The following CADM2 variants were observed in gnomAD, a reference collection of about 807,000 sequenced individuals.
The protein encoded by CADM2 is cell adhesion molecule 2, also known as immunoglobulin superfamily member 4D.
In CADM2, 12 loss-of-function variants were observed where a neutral mutation model predicts 49.8. The observed-to-expected ratio is 0.24, with a 90% confidence interval of 0.15 to 0.39. The LOEUF (loss-of-function observed/expected upper bound fraction) is 0.39, where lower values mean the gene tolerates loss of function less well. CADM2 is among the 10% of genes least tolerant of loss of function. The pLI is 1.00. For synonymous variants in CADM2, 214 were observed against 175.4 expected (o/e 1.22, Z -1.74); for missense variants, 378 against 492.3 (o/e 0.77, Z 2.20).
chr3:85,686,560 T>A (rs890513427), intron 1 of CADM2, among the ~76,000 whole-genome samples: 2 of 152,214 alleles, frequency 1.3e-5, no homozygotes, highest in African/African-American at 2.4e-5. Flanking sequence ...ACTATAATAC[T>A]TAGTTTTATA....
At chr3:85,142,902 G>A (rs2039620214) in intron 1 of CADM2, among the ~76,000 whole-genome samples, 1 of 152,112 alleles carries the variant, frequency 6.6e-6, no homozygotes, top group Non-Finnish European at 1.5e-5. Context: ...AAGTGTAAAG[G>A]CAAAGATTGT....
At chr3:85,109,219 C>G (rs941202688) in intron 1 of CADM2, among the ~76,000 whole-genome samples, 1 of 151,998 alleles carries the variant, frequency 6.6e-6, no homozygotes, top group Non-Finnish European at 1.5e-5. Flanking sequence ...TAGCTATCCT[C>G]AAACTACAAG....
chr3:85,782,174 G>A (rs906555294), intron 2 of CADM2, among the ~76,000 whole-genome samples: 1 of 152,082 alleles, frequency 6.6e-6, no homozygotes, highest in African/African-American at 2.4e-5. Flanking sequence ...TTGTGCTTAT[G>A]CACTTTGCTA....
intron 1 of CADM2, among the ~76,000 whole-genome samples, chr3:85,693,223 T>TG (rs1417886079): frequency 6.6e-6 from 1 of 150,976 alleles, no homozygotes; most frequent in African/African-American, 2.4e-5. Context: ...CACTCCAGCC[T>TG]GGCAACAGAG....
At chr3:85,394,971 A>T (rs538692036) in intron 1 of CADM2, among the ~76,000 whole-genome samples, 1 of 152,302 alleles carries the variant, frequency 6.6e-6, no homozygotes. Context: ...CTCCTAAAAT[A>T]TCGTAACATT....
At chr3:85,393,776 T>A (rs1460227899) in intron 1 of CADM2, among the ~76,000 whole-genome samples, 1 of 152,130 alleles carries the variant, frequency 6.6e-6, no homozygotes. Context: ...AATAACGACA[T>A]ATTTGCTCTT....
At chr3:85,996,045 G>A (rs964628267) in intron 8 of CADM2, among the ~76,000 whole-genome samples, 11 of 150,808 alleles carry the variant, frequency 7.3e-5, no homozygotes, top group South Asian at 2.1e-4. Flanking sequence ...AGCCCAGATC[G>A]TGCCACTGCA....
chr3:85,433,407 CT>C (rs563373608), intron 1 of CADM2, among the ~76,000 whole-genome samples: 3 of 151,926 alleles, frequency 2.0e-5, no homozygotes, highest in South Asian at 2.1e-4. Flanking sequence ...GCTAAAATTA[CT>C]TTTTTTTCCC....
chr3:85,397,830 G>A (rs1012211998), intron 1 of CADM2, among the ~76,000 whole-genome samples: 1 of 152,054 alleles, frequency 6.6e-6, no homozygotes, highest in Non-Finnish European at 1.5e-5. Context: ...CACAACAGGT[G>A]AATATGTTTC....
chr3:86,034,825 C>T (rs7651213), intron 8 of CADM2, among the ~76,000 whole-genome samples: 4,912 of 152,024 alleles, frequency 0.032, 150 homozygotes, highest in African/African-American at 0.077. Context: ...TGAATAGTGA[C>T]ACCTTTCACT....
chr3:85,341,977 A>C (rs192592367), intron 1 of CADM2, among the ~76,000 whole-genome samples: 97 of 152,308 alleles, frequency 6.4e-4, no homozygotes, highest in African/African-American at 2.3e-3. Context: ...CTAAAGCACC[A>C]AAAGCAATGG....
chr3:85,880,866 G>A (rs1007807242), intron 3 of CADM2, among the ~76,000 whole-genome samples: 2 of 152,064 alleles, frequency 1.3e-5, no homozygotes, highest in African/African-American at 4.8e-5. Flanking sequence ...AGAGTTCTTT[G>A]GGGTTTTCCT....
rs549591500 is a variant in CADM2 at position 85,536,121 on chromosome 3, T to C, written c.62-190401T>C. 6.6e-5 allele frequency among the ~76,000 whole-genome samples: 10 copies of C among 152,002 alleles called. 1 individual carries two copies. Among genetic ancestry groups the C allele is most frequent in the South Asian group, 6.2e-4 (3 of 4,818 alleles). On this transcript the variant is annotated intron_variant, in intron 1 of 9. Coordinates refer to ENST00000383699, the MANE Select transcript of CADM2 (RefSeq NM_001167675.2). ...AGAAAGAAAACATATGGAAAGGAAATAAAGTCATTGTGTGTTTAAGGGATT... is the reference window on the plus strand; with the variant it reads ...AGAAAGAAAACATATGGAAAGGAAACAAAGTCATTGTGTGTTTAAGGGATT...
intron 1 of CADM2, among the ~76,000 whole-genome samples, chr3:85,607,353 G>A (rs1242978441): frequency 6.6e-6 from 1 of 152,130 alleles, no homozygotes; most frequent in Admixed American, 6.6e-5. Flanking sequence ...GGCTGGGACA[G>A]TGTGCAGGGG....
rs143928906 is a variant in CADM2, at chr3:86,068,488, T to C, written c.*1705T>C. On this transcript the variant is annotated 3_prime_UTR_variant, in exon 10 of 10. Coordinates refer to ENST00000383699, the MANE Select transcript of CADM2 (RefSeq NM_001167675.2). ...TCTGACGCATGATGGCCTATGGTTT[T>C]AAAAATAGTATTGTGGAATATATTT... is the stretch of plus-strand genomic sequence containing the variant. 1.5e-3 allele frequency: 227 copies of C among 152,112 alleles called. 1 individual carries two copies. Among genetic ancestry groups the C allele is most frequent in the African/African-American group, 5.2e-3 (218 of 41,578 alleles). The allele number at this position is 152,112 out of a possible 1,614,324, so 9.4% of individuals were successfully genotyped here.
At chr3:85,096,403 C>G (rs1025284587) in intron 1 of CADM2, among the ~76,000 whole-genome samples, 1 of 150,154 alleles carries the variant, frequency 6.7e-6, no homozygotes, top group Non-Finnish European at 1.5e-5. Flanking sequence ...TGTACCCATT[C>G]TACAGAAGTC....
intron 3 of CADM2, among the ~76,000 whole-genome samples, chr3:85,822,022 G>A (rs186193745): frequency 5.5e-4 from 84 of 152,174 alleles, no homozygotes; most frequent in Middle Eastern, 3.4e-3. Flanking sequence ...CATATTAAAT[G>A]TCTATATGCA....
intron 2 of CADM2, among the ~76,000 whole-genome samples, chr3:85,767,881 T>C (rs1028232579): frequency 2.6e-5 from 4 of 152,276 alleles, no homozygotes; most frequent in Admixed American, 2.6e-4. Flanking sequence ...TGAAACCGAC[T>C]GTAATTTAGC....
chr3:85,367,749 G>T (rs2032895200), intron 1 of CADM2, among the ~76,000 whole-genome samples: 2 of 151,708 alleles, frequency 1.3e-5, no homozygotes, highest in Admixed American at 6.6e-5. Context: ...AAGGAGTGAT[G>T]CCAAAATAAA....
Sources: allele counts gnomAD v4.1 joint callset (sites outside exome capture counted in the v4.1 genomes callset), GRCh38; gene constraint gnomAD v4.1.1; transcripts MANE v1.5; gene names NCBI Gene and HGNC (gene_info 2026-07-23, HGNC 2026-07-21).